The following C4orf51 variants were observed in gnomAD, a reference collection of about 807,000 sequenced individuals.
C4orf51 encodes uncharacterized protein C4orf51.
In C4orf51, 25 loss-of-function variants were observed where a neutral mutation model predicts 25.2. The observed-to-expected ratio is 0.99, with a 90% CI of 0.72 to 1.39. The LOEUF (loss-of-function observed/expected upper bound fraction) is 1.39. Ranked by LOEUF, C4orf51 falls within the 40% of genes most tolerant of loss-of-function variation. The probability of loss-of-function intolerance (pLI) is 0.00; values close to 1 mark genes in which losing one functional copy is unlikely to be tolerated. For synonymous variants in C4orf51, 100 were observed against 84.5 expected (o/e 1.18, Z -1.01); for missense variants, 252 against 239.6 (o/e 1.05, Z -0.34).
At chr4:145,692,110 C>T (rs930945617) in intron 1 of C4orf51, among the ~76,000 whole-genome samples, 2 of 152,096 alleles carry the variant, frequency 1.3e-5, no homozygotes, top group African/African-American at 2.4e-5. Flanking sequence ...TGGAGAGACA[C>T]GTACAATAAT....
chr4:145,680,533 T>C (rs1255364609), intron 1 of C4orf51, 97 bp downstream of exon 1: 3 of 849,050 alleles, frequency 3.5e-6, no homozygotes, highest in Non-Finnish European at 5.5e-6. Flanking sequence ...AGAGACTTCA[T>C]AGACTTTAAC....
At position 145,761,768 on chromosome 4, in the gene C4orf51, C is replaced by T. The variant is rs1336265631; in HGVS notation, n.167-9220C>T. The stretch of plus-strand genomic sequence containing the variant: ...TCAGGGGTGGAACGGCCCTTTTTGG[C>T]TCTCCCTGCTGACAGAGCAGTCCCC... On this transcript the variant is annotated intron_variant and non_coding_transcript_variant, in intron 1 of 1. Transcript: ENST00000510096. This position sits in a 1 kb window ranked among gnomAD's most constrained non-coding sequence, Gnocchi z 6.8. Among the ~76,000 whole-genome samples the T allele has an allele frequency of 6.6e-6, 1 of 152,170 alleles. No individual in the cohort carries two copies. Among genetic ancestry groups the T allele is most frequent in the Non-Finnish European group, 1.5e-5 (1 of 68,012 alleles).
chr4:145,688,942 C>A (rs184541857), intron 1 of C4orf51, among the ~76,000 whole-genome samples: 2 of 152,056 alleles, frequency 1.3e-5, no homozygotes, highest in African/African-American at 4.8e-5. Context: ...CTACCAACAA[C>A]AAACATATTA....
intron 2 of C4orf51, among the ~76,000 whole-genome samples, chr4:145,720,966 AC>A (rs1731705303): frequency 6.6e-6 from 1 of 152,174 alleles, no homozygotes; most frequent in Non-Finnish European, 1.5e-5. Flanking sequence ...TGGCAGAGGG[AC>A]CTTTTAACTT....
At chr4:145,728,485 G>A (rs1560851814) in intron 3 of C4orf51, among the ~76,000 whole-genome samples, 1 of 151,974 alleles carries the variant, frequency 6.6e-6, no homozygotes, top group Non-Finnish European at 1.5e-5. Context: ...GTTATATTTT[G>A]TAAAATCACC....
intron 2 of C4orf51, among the ~76,000 whole-genome samples, chr4:145,714,642 G>T (rs567759519): frequency 6.6e-6 from 1 of 152,304 alleles, no homozygotes; most frequent in East Asian, 1.9e-4. Context: ...CAGGAAATTT[G>T]TAGAGCTCCA....
chr4:145,709,692 G>A (rs994504125), intron 2 of C4orf51, among the ~76,000 whole-genome samples: 3 of 152,180 alleles, frequency 2.0e-5, no homozygotes, highest in African/African-American at 7.2e-5. Context: ...AGTTTTTTGG[G>A]GAAACAGGTA....
chr4:145,788,395 A>G, the C4orf51 span, among the ~76,000 whole-genome samples: 1 of 152,212 alleles, frequency 6.6e-6, no homozygotes, highest in Non-Finnish European at 1.5e-5. Flanking sequence ...CTAAGCCTCC[A>G]AATGTAGATA....
chr4:145,737,830 G>T (rs544635926), intron 1 of C4orf51, among the ~76,000 whole-genome samples: 8 of 152,228 alleles, frequency 5.3e-5, no homozygotes, highest in Admixed American at 2.0e-4. Context: ...CAATGCTCTG[G>T]AGTTTTGTTT....
chr4:145,724,951 A>G (rs1231094425), intron 2 of C4orf51, among the ~76,000 whole-genome samples: 6 of 150,448 alleles, frequency 4.0e-5, no homozygotes, highest in African/African-American at 1.5e-4. Context: ...ATGATATCGT[A>G]TGTTCTCACT....
intron 2 of C4orf51, among the ~76,000 whole-genome samples, chr4:145,700,882 A>G (rs931203494): frequency 1.3e-4 from 20 of 152,188 alleles, no homozygotes; most frequent in African/African-American, 3.9e-4. Flanking sequence ...CACCTGGTCC[A>G]GCTTACGGTT....
At chr4:145,774,740 T>C, downstream of C4orf51, 1 of 1,531,260 alleles carries the variant, frequency 6.5e-7, no homozygotes, top group South Asian at 1.2e-5. Flanking sequence ...ATGTAGGCTG[T>C]CCATTTATAC....
chr4:145,712,634 C>T (rs944034813), intron 2 of C4orf51, among the ~76,000 whole-genome samples: 9 of 152,206 alleles, frequency 5.9e-5, no homozygotes, highest in African/African-American at 1.7e-4. Context: ...AAGAAGCAAT[C>T]TCCATTACAT....
chr4:145,770,709 T>C (rs2126912288), intron 1 of C4orf51, among the ~76,000 whole-genome samples: 1 of 152,358 alleles, frequency 6.6e-6, no homozygotes, highest in African/African-American at 2.4e-5. Context: ...TTTAAATGAT[T>C]GTATTATATC....
At chr4:145,752,365 G>A (rs1216748976) in intron 1 of C4orf51, among the ~76,000 whole-genome samples, 1 of 152,166 alleles carries the variant, frequency 6.6e-6, no homozygotes, top group Non-Finnish European at 1.5e-5. Context: ...GTCAGCAGGT[G>A]ATGAATGTTG....
chr4:145,768,916 T>TATATATA (rs34051922), intron 1 of C4orf51, among the ~76,000 whole-genome samples: 1 of 34,428 alleles, frequency 2.9e-5, no homozygotes, highest in Non-Finnish European at 5.2e-5. Context: ...TATATATATA[T>TATATATA]TAGGTATACA....
chr4:145,691,341 G>A (rs1199268649), intron 1 of C4orf51, among the ~76,000 whole-genome samples: 1 of 152,150 alleles, frequency 6.6e-6, no homozygotes, highest in Admixed American at 6.5e-5. Context: ...ATACACTGTT[G>A]GTGGGAATGT....
intron 1 of C4orf51, chr4:145,764,717 G>A (rs898442989): frequency 3.4e-5 from 16 of 476,078 alleles, no homozygotes; most frequent in Admixed American, 1.4e-4. Context: ...GTCTATTCTT[G>A]CATGCTGGGT....
downstream of C4orf51, among the ~76,000 whole-genome samples, chr4:145,774,266 G>A (rs893425000): frequency 1.3e-5 from 2 of 152,142 alleles, no homozygotes; most frequent in Non-Finnish European, 2.9e-5. Context: ...CAAAGAGCTC[G>A]GCACCTCTCA....
Sources: allele counts gnomAD v4.1 joint callset (sites outside exome capture counted in the v4.1 genomes callset), GRCh38; gene constraint gnomAD v4.1.1; non-coding constraint Gnocchi (gnomAD v3.1); transcripts MANE v1.5; gene names NCBI Gene and HGNC (gene_info 2026-07-23, HGNC 2026-07-21).